Variants in TMEM117 observed in about 807,000 individuals in gnomAD.
The protein encoded by TMEM117 is transmembrane protein 117.
Under a neutral mutation model 52.4 loss-of-function variants are expected in TMEM117, and 27 were observed. The observed-to-expected ratio is 0.51, with a 90% confidence interval of 0.38 to 0.71. The LOEUF is 0.71. Ranked by LOEUF, TMEM117 falls within the 30% of genes least tolerant of loss-of-function variation. TMEM117 has a pLI of 0.00. For synonymous variants in TMEM117, 215 were observed against 206.3 expected, an observed-to-expected ratio of 1.04 and a Z score of -0.36; for missense variants, 556 against 630.5, an observed-to-expected ratio of 0.88 and a Z score of 1.26.
intron 3 of TMEM117, among the ~76,000 whole-genome samples, chr12:44,116,386 A>G (rs1389858817): frequency 1.3e-5 from 2 of 151,888 alleles, no homozygotes; most frequent in East Asian, 3.9e-4. Flanking sequence ...TTCACCTACT[A>G]TTAAAACTAC....
the TMEM117 span, among the ~76,000 whole-genome samples, chr12:43,821,446 AATTTTTGT>A: frequency 1.3e-5 from 2 of 152,140 alleles, no homozygotes; most frequent in African/African-American, 4.8e-5. Context: ...AGACCTGGCT[AATTTTTGT>A]ATTTTTTATA....
rs369657233 is a variant in TMEM117 at position 44,346,458 on chromosome 12, C to T, written c.769-30137C>T. On this transcript the variant is annotated intron_variant, in intron 6 of 7. Transcript: ENST00000266534. ...ATGCACAGGAAACATGCAGCACACACAGTACTCAATGAAGAGTCTTTCTCT... is the reference window on the plus strand; with the variant it reads ...ATGCACAGGAAACATGCAGCACACATAGTACTCAATGAAGAGTCTTTCTCT... Among the ~76,000 whole-genome samples the T allele has an allele frequency of 2.1e-4, 32 of 152,236 alleles. No homozygotes were observed. The South Asian group carries it at 6.2e-3, about 30-fold the overall frequency.
rs1288833785 is a variant in TMEM117, at chr12:44,111,874, T to C, written c.411-31651T>C. ...TTTGTAGGTCACTGAGGACTTGCTT[T>C]ATGAATCTGGGTGCTCCTGTATTGG... On this transcript the variant is annotated intron_variant, in intron 3 of 7. Coordinates refer to ENST00000266534, the MANE Select transcript of TMEM117 (RefSeq NM_032256.3). Among the ~76,000 whole-genome samples the C allele has an allele frequency of 8.3e-3, 870 of 104,336 alleles. 9 individuals carry two copies. The highest frequency in any genetic ancestry group is 0.015 in the African/African-American group (300 of 20,018). 68.4% of individuals were successfully genotyped at this position (104,336 alleles called of 152,430 possible).
intron 3 of TMEM117, among the ~76,000 whole-genome samples, chr12:44,072,458 T>A (rs189056038): frequency 1.4e-4 from 22 of 152,254 alleles, no homozygotes; most frequent in African/African-American, 3.4e-4. Flanking sequence ...ATTAGGTCCC[T>A]GGGTTCTGAG....
rs1254645467 is a variant in TMEM117 at position 43,979,939 on chromosome 12, A to G, written c.410+35597A>G. 4.6e-5 allele frequency among the ~76,000 whole-genome samples: 7 copies of G among 152,262 alleles called. 1 individual carries two copies. Among genetic ancestry groups the G allele is most frequent in the Admixed American group, 3.9e-4 (6 of 15,288 alleles). ...GTGACCTCAATTAACCCTCTTGTAA[A>G]TGGGCTAGCGGCTCCATTTTCTCTA... On this transcript the variant is annotated intron_variant, in intron 3 of 7. Coordinates refer to ENST00000266534, the MANE Select transcript of TMEM117 (RefSeq NM_032256.3).
chr12:43,813,290 C>T, the TMEM117 span, among the ~76,000 whole-genome samples: 7 of 126,032 alleles, frequency 5.6e-5, no homozygotes, highest in African/African-American at 2.2e-4. Flanking sequence ...GTCGCCCAGG[C>T]TGGAGTACAA....
intron 3 of TMEM117, among the ~76,000 whole-genome samples, chr12:44,073,049 T>C (rs1328666985): frequency 6.6e-6 from 1 of 151,642 alleles, no homozygotes; most frequent in Non-Finnish European, 1.5e-5. Context: ...GAGGTCGTAC[T>C]ACTGCACTCC....
At position 44,362,675 on chromosome 12, in the gene TMEM117, C is replaced by T. The variant is rs1951736644; in HGVS notation, c.769-13920C>T. 2.0e-5 allele frequency among the ~76,000 whole-genome samples: 3 copies of T among 151,446 alleles called. No individual in the cohort carries two copies. In the South Asian group the frequency reaches 6.3e-4, roughly 32 times the overall value. The stretch of plus-strand genomic sequence containing the variant: ...TGATGGTAAAGGCAAGATCTATTTT[C>T]AATGAAAAATAATGGTTGGAAATCA... On this transcript the variant is annotated intron_variant, in intron 6 of 7. Transcript: ENST00000266534.
At chr12:43,800,568 AAACAT>A in the TMEM117 span, 10 of 1,492,618 alleles carry the variant, frequency 6.7e-6, no homozygotes, top group Admixed American at 1.0e-4. Context: ...TTATAGATGA[AAACAT>A]AACATTACAA....
At chr12:44,355,833 G>A (rs766292156) in intron 6 of TMEM117, among the ~76,000 whole-genome samples, 3 of 152,034 alleles carry the variant, frequency 2.0e-5, no homozygotes, top group Non-Finnish European at 2.9e-5. Flanking sequence ...CCTACTACCT[G>A]ACCCAGTGAA....
chr12:43,890,458 C>T (rs886165987), intron 2 of TMEM117, among the ~76,000 whole-genome samples: 4 of 152,026 alleles, frequency 2.6e-5, no homozygotes, highest in African/African-American at 4.8e-5. Flanking sequence ...ACAAAAGTAG[C>T]ATCTTTCTTT....
At chr12:44,100,013 A>G (rs1947835607) in intron 3 of TMEM117, among the ~76,000 whole-genome samples, 2 of 151,978 alleles carry the variant, frequency 1.3e-5, no homozygotes, top group African/African-American at 4.8e-5. Flanking sequence ...GGGTGTTTCA[A>G]ATTGTATTAA....
chr12:44,055,579 G>A (rs1331824051), intron 3 of TMEM117, among the ~76,000 whole-genome samples: 1 of 152,154 alleles, frequency 6.6e-6, no homozygotes, highest in Non-Finnish European at 1.5e-5. Context: ...TTTACTAGCT[G>A]TGTGGCATCA....
chr12:43,888,200 A>G (rs964716318), intron 2 of TMEM117, among the ~76,000 whole-genome samples: 1 of 152,242 alleles, frequency 6.6e-6, no homozygotes, highest in South Asian at 2.1e-4. Context: ...TACCTACCTC[A>G]CAGTATTGTT....
intron 3 of TMEM117, among the ~76,000 whole-genome samples, chr12:44,083,384 T>G (rs1280268976): frequency 2.7e-5 from 4 of 149,878 alleles, no homozygotes; most frequent in Non-Finnish European, 5.9e-5. Context: ...TATTGGGTAT[T>G]GTTAGTTTTT....
downstream of TMEM117, among the ~76,000 whole-genome samples, chr12:44,391,774 A>G (rs1198268966): frequency 6.6e-6 from 1 of 152,186 alleles, no homozygotes; most frequent in East Asian, 1.9e-4. Context: ...GTACCCTGCC[A>G]TTGTTTCTCA....
At chr12:44,087,432 G>A (rs576609533) in intron 3 of TMEM117, among the ~76,000 whole-genome samples, 5 of 149,178 alleles carry the variant, frequency 3.4e-5, no homozygotes, top group Admixed American at 3.3e-4. Context: ...TTCTTTCTAT[G>A]TGTGTATGTA....
chr12:43,801,767 T>G, the TMEM117 span, among the ~76,000 whole-genome samples: 1 of 152,194 alleles, frequency 6.6e-6, no homozygotes, highest in Non-Finnish European at 1.5e-5. Context: ...CAGTGGCTCA[T>G]ACCTGTAATC....
At chr12:43,797,625 T>TA in the TMEM117 span, 1 of 1,493,424 alleles carries the variant, frequency 6.7e-7, no homozygotes, top group Non-Finnish European at 9.0e-7. Flanking sequence ...ATTTAAAATG[T>TA]AAAATCCATT....
Sources: allele counts gnomAD v4.1 joint callset (sites outside exome capture counted in the v4.1 genomes callset), GRCh38; gene constraint gnomAD v4.1.1; transcripts MANE v1.5; gene names NCBI Gene and HGNC (gene_info 2026-07-23, HGNC 2026-07-21).